Variants in CTNNA3 observed in about 807,000 individuals in gnomAD.
The protein encoded by CTNNA3 is catenin alpha-3.
CTNNA3 carries 76 observed loss-of-function variants against 95.7 expected under a neutral mutation model. The observed-to-expected ratio is 0.79, with a 90% confidence interval of 0.66 to 0.96. The LOEUF is 0.96. Among genes scored for constraint, CTNNA3 ranks in the 40% least tolerant of loss-of-function variants. The probability of loss-of-function intolerance (pLI) is 0.00; values close to 1 mark genes in which losing one functional copy is unlikely to be tolerated. For missense variants in CTNNA3, 1,191 were observed against 1,089.8 expected, an observed-to-expected ratio of 1.09 and a Z score of -1.31; for synonymous variants, 431 against 374.4, an observed-to-expected ratio of 1.15 and a Z score of -1.74.
chr10:67,539,634 C>T lies in CTNNA3; in HGVS notation c.328G>A (p.Asp110Asn). The T allele has an allele frequency of 6.2e-7, 1 of 1,613,688 alleles. No homozygotes were observed. The highest frequency in any genetic ancestry group is 1.1e-5 in the South Asian group (1 of 91,066). ...CTTTTTGGGAGAAAACAGGGGTCATCTGTAAATCTCTCAGCTGATACTTTC... is the reference window on the plus strand; with the variant it reads ...CTTTTTGGGAGAAAACAGGGGTCATTTGTAAATCTCTCAGCTGATACTTTC... ...ALKVSAERFT[D>N]DPCFLPKREA... Residue 110 changes from aspartate to asparagine, a missense_variant, in exon 4 of 18, where the codon GAT becomes AAT. Asp to Asn is a conservative substitution (Grantham distance 23). Coordinates refer to ENST00000433211, the MANE Select transcript of CTNNA3 (RefSeq NM_013266.4).
At chr10:67,699,331 C>T (rs1841015013), upstream of CTNNA3, among the ~76,000 whole-genome samples, 1 of 152,198 alleles carries the variant, frequency 6.6e-6, no homozygotes, top group Non-Finnish European at 1.5e-5. Context: ...TCTCACTTCA[C>T]AACCCACTAA....
At chr10:66,285,093 C>G (rs2091562371) in intron 12 of CTNNA3, among the ~76,000 whole-genome samples, 1 of 151,486 alleles carries the variant, frequency 6.6e-6, no homozygotes, top group African/African-American at 2.4e-5. Context: ...TGATATGTCC[C>G]AAAGTACTGA....
chr10:67,080,722 A>T (rs1857004709), intron 7 of CTNNA3, among the ~76,000 whole-genome samples: 1 of 152,014 alleles, frequency 6.6e-6, no homozygotes, highest in South Asian at 2.1e-4. Flanking sequence ...ATCCTGGCTA[A>T]CACAGTGAAA....
chr10:66,937,998 C>A (rs1047692052), intron 7 of CTNNA3, among the ~76,000 whole-genome samples: 4 of 151,972 alleles, frequency 2.6e-5, no homozygotes, highest in African/African-American at 9.7e-5. Context: ...TCTTTTCCTT[C>A]TTCTTCCAAT....
intron 10 of CTNNA3, among the ~76,000 whole-genome samples, chr10:66,567,875 A>G (rs1339605951): frequency 6.6e-6 from 1 of 152,136 alleles, no homozygotes; most frequent in African/African-American, 2.4e-5. Flanking sequence ...GCAGTTCTCC[A>G]AGTTACAATA....
At chr10:66,816,657 A>C (rs553532549) in intron 7 of CTNNA3, among the ~76,000 whole-genome samples, 1 of 152,104 alleles carries the variant, frequency 6.6e-6, no homozygotes, top group Non-Finnish European at 1.5e-5. Context: ...AGACTTGAAC[A>C]ACACTATAAG....
chr10:67,592,918 G>A (rs1293052233), intron 3 of CTNNA3, among the ~76,000 whole-genome samples: 1 of 152,124 alleles, frequency 6.6e-6, no homozygotes, highest in Admixed American at 6.6e-5. Context: ...TCATCACCCA[G>A]GTAGTAAGCA....
chr10:66,359,192 A>G (rs2132417274), intron 12 of CTNNA3, among the ~76,000 whole-genome samples: 1 of 152,318 alleles, frequency 6.6e-6, no homozygotes, highest in East Asian at 1.9e-4. Flanking sequence ...TTATATGATG[A>G]GAAGCTGGAG....
chr10:67,395,535 G>A (rs1378708561), intron 5 of CTNNA3, among the ~76,000 whole-genome samples: 1 of 152,140 alleles, frequency 6.6e-6, no homozygotes, highest in East Asian at 1.9e-4. Flanking sequence ...CAACACTATG[G>A]TGCTGACAGC....
At chr10:67,529,817 CTGTG>C (rs1840270080) in intron 4 of CTNNA3, among the ~76,000 whole-genome samples, 2 of 152,140 alleles carry the variant, frequency 1.3e-5, no homozygotes, top group South Asian at 2.1e-4. Context: ...TGTGGTTTGG[CTGTG>C]TTCCCACCCA....
chr10:67,056,462 C>A (rs1855437651), intron 7 of CTNNA3, among the ~76,000 whole-genome samples: 1 of 152,110 alleles, frequency 6.6e-6, no homozygotes, highest in Non-Finnish European at 1.5e-5. Flanking sequence ...TCATGAGGGT[C>A]TCTCAAATTG....
Position 67,034,917 on chromosome 10 carries a change from C to T in CTNNA3, c.1047+145400G>A, listed in dbSNP as rs571849491. Among the ~76,000 whole-genome samples the T allele has an allele frequency of 3.6e-4, 55 of 152,310 alleles. No individual in the cohort carries two copies. In the Middle Eastern group the frequency reaches 0.014, roughly 38 times the overall value. Reference sequence around the variant, plus strand: ...CATGTTGACATATCTCTTGGCAATGCTATTTCTTCTGGCCTTCTTACTGCC... The same window carrying T: ...CATGTTGACATATCTCTTGGCAATGTTATTTCTTCTGGCCTTCTTACTGCC... On this transcript the variant is annotated intron_variant, in intron 7 of 17. Transcript: ENST00000433211.
At chr10:66,646,018 T>G (rs1485118416) in intron 9 of CTNNA3, among the ~76,000 whole-genome samples, 1 of 152,198 alleles carries the variant, frequency 6.6e-6, no homozygotes, top group Non-Finnish European at 1.5e-5. Context: ...TACCTCTTTT[T>G]ATTATTTAAC....
intron 12 of CTNNA3, among the ~76,000 whole-genome samples, chr10:66,377,328 A>G (rs1201375478): frequency 6.6e-6 from 1 of 152,160 alleles, no homozygotes; most frequent in African/African-American, 2.4e-5. Flanking sequence ...AAAATTATAT[A>G]CAACTAATTA....
intron 5 of CTNNA3, among the ~76,000 whole-genome samples, chr10:67,324,714 T>G (rs1841470929): frequency 6.6e-6 from 1 of 151,762 alleles, no homozygotes; most frequent in Non-Finnish European, 1.5e-5. Flanking sequence ...TTTTTTTTTT[T>G]GTCTTGCCAG....
chr10:67,190,798 G>A (rs1863085593), intron 6 of CTNNA3, among the ~76,000 whole-genome samples: 1 of 151,952 alleles, frequency 6.6e-6, no homozygotes, highest in Non-Finnish European at 1.5e-5. Flanking sequence ...CATCAAGAGA[G>A]TGAAAAAACA....
At chr10:66,204,017 T>C (rs2087602363) in intron 13 of CTNNA3, among the ~76,000 whole-genome samples, 1 of 152,124 alleles carries the variant, frequency 6.6e-6, no homozygotes, top group Non-Finnish European at 1.5e-5. Context: ...AGGACTATGA[T>C]CAATTTTACA....
chr10:67,417,481 T>A (rs935942548), intron 5 of CTNNA3, among the ~76,000 whole-genome samples: 15 of 152,090 alleles, frequency 9.9e-5, no homozygotes, highest in African/African-American at 3.6e-4. Flanking sequence ...AAAGTAAAAG[T>A]GCCTGGGGTG....
At chr10:67,561,819 G>A (rs1042872923) in intron 3 of CTNNA3, among the ~76,000 whole-genome samples, 18 of 151,742 alleles carry the variant, frequency 1.2e-4, no homozygotes, top group Admixed American at 2.6e-4. Flanking sequence ...CACCGCCAAT[G>A]CCACAGAAAT....
Sources: gnomAD v4.1 joint callset for allele counts (sites outside exome capture counted in the v4.1 genomes callset) on GRCh38, gnomAD v4.1.1 for gene constraint, MANE v1.5 for transcripts, NCBI Gene and HGNC (gene_info 2026-07-23, HGNC 2026-07-21) for gene names.